The following NOXRED1 variants were observed in gnomAD, a reference collection of about 807,000 sequenced individuals.
The protein encoded by NOXRED1 is NADP-dependent oxidoreductase domain-containing protein 1.
Under a neutral mutation model 30.4 loss-of-function variants are expected in NOXRED1, and 20 were observed. The observed-to-expected ratio is 0.66, with a 90% CI of 0.46 to 0.96. The LOEUF is 0.96. Among genes scored for constraint, NOXRED1 ranks in the 40% least tolerant of loss-of-function variants. NOXRED1 has a pLI of 0.00. For missense variants in NOXRED1, 374 were observed against 428.0 expected (o/e 0.87, Z 1.11); for synonymous variants, 155 against 168.0 (o/e 0.92, Z 0.60).
At chr14:77,424,445 C>T (rs1364085845), upstream of NOXRED1, among the ~76,000 whole-genome samples, 6 of 152,026 alleles carry the variant, frequency 3.9e-5, no homozygotes, top group East Asian at 1.9e-4. Context: ...CCAGCCTGGG[C>T]GGCAGAGGGA....
At chr14:77,416,479 A>C (rs1351281124) in intron 1 of NOXRED1, among the ~76,000 whole-genome samples, 1 of 152,166 alleles carries the variant, frequency 6.6e-6, no homozygotes, top group Non-Finnish European at 1.5e-5. Flanking sequence ...TTCAACCCTG[A>C]GTGGATACAG....
chr14:77,408,892 ATT>A (rs1177680524), intron 2 of NOXRED1, among the ~76,000 whole-genome samples: 18 of 68,176 alleles, frequency 2.6e-4, no homozygotes, highest in African/African-American at 8.1e-4. Context: ...CTGGTAGTTA[ATT>A]TTTTTTTTTT....
chr14:77,412,527 A>G (rs113924164), intron 2 of NOXRED1, among the ~76,000 whole-genome samples: 4,254 of 152,146 alleles, frequency 0.028, 128 homozygotes, highest in African/African-American at 0.073. Context: ...TTGATTGATT[A>G]ATTGAGACAG....
chr14:77,414,848 G>A (rs1214624497), intron 1 of NOXRED1, among the ~76,000 whole-genome samples: 1 of 151,926 alleles, frequency 6.6e-6, no homozygotes, highest in East Asian at 1.9e-4. Flanking sequence ...GTTTGTTTCT[G>A]TGCAGACAGC....
chr14:77,407,591 C>A lies in NOXRED1; in HGVS notation c.404G>T (p.Ser135Ile). ...GCAGAGGAATATCACATCGGCCCAA[C>A]TCACCAGATCAGCGTTATGGTAAAA... ...KCFYHNADLV[S>I]WADVIFLCCL... is the part of the protein sequence containing the mutation. Residue 135 changes from serine (S) to isoleucine (I), a missense_variant, in exon 3 of 6, where the codon AGT (serine) becomes ATT (isoleucine). Transcript: ENST00000380835. 1 of 1,614,100 alleles carries A rather than the reference C, an allele frequency of 6.2e-7. No individual in the cohort carries two copies. Among genetic ancestry groups the A allele is most frequent in the Non-Finnish European group, 8.5e-7 (1 of 1,179,944 alleles).
At chr14:77,414,188 T>C (rs1194054985) in intron 1 of NOXRED1, 61 bp from the exon 2 acceptor site, 7 of 1,079,402 alleles carry the variant, frequency 6.5e-6, no homozygotes, top group Admixed American at 2.6e-5. Flanking sequence ...TTTCTTTTTT[T>C]TTTTTTTTTT....
intron 5 of NOXRED1, among the ~76,000 whole-genome samples, chr14:77,397,881 CAAA>C (rs34854528): frequency 6.8e-5 from 7 of 102,534 alleles, no homozygotes; most frequent in Non-Finnish European, 7.8e-5. Context: ...AACTCCATCT[CAAA>C]AAAAAAAAAA....
rs1265465641 is a variant in NOXRED1, at chr14:77,422,620, T to C, written c.155+115A>G. 6.0e-6 allele frequency: 6 copies of C among 998,726 alleles called. No homozygotes were observed. In the African/African-American group the frequency reaches 6.4e-5, roughly 11 times the overall value. 61.9% of individuals were successfully genotyped at this position (998,726 alleles called of 1,614,324 possible). On this transcript the variant is annotated intron_variant, in intron 1 of 5. Coordinates refer to ENST00000380835, the MANE Select transcript of NOXRED1 (RefSeq NM_001113475.3). ...GTCATTGACTCTGGGTTGGAAAAGA[T>C]AGGATGACAATCCACCAGCCAAACT...
chr14:77,411,875 T>C (rs1204414801), intron 2 of NOXRED1, among the ~76,000 whole-genome samples: 2 of 152,132 alleles, frequency 1.3e-5, no homozygotes, highest in East Asian at 3.9e-4. Context: ...GCAGATCACC[T>C]GAGGTCAGGA....
Position 77,407,473 on chromosome 14 carries a change from T to G in NOXRED1, c.522A>C (p.Pro174=). The change falls in exon 3 of 6, where the codon CCA becomes CCC. Residue 174 remains proline (P), a synonymous_variant. Transcript: ENST00000380835. The part of the protein sequence containing the change: ...SIVYSFVAAI[P]LPRLKLLLNH... The stretch of plus-strand genomic sequence containing the variant: ...TCACCCTAACAAGATACCTGGGTAG[T>G]GGGATGGCAGCTACAAAGCTGTACA... 2.5e-6 allele frequency: 4 copies of G among 1,613,046 alleles called. No homozygotes were observed. Among genetic ancestry groups the G allele is most frequent in the South Asian group, 1.1e-5 (1 of 91,060 alleles).
intron 1 of NOXRED1, among the ~76,000 whole-genome samples, chr14:77,415,684 T>A (rs1348639820): frequency 6.6e-6 from 1 of 151,462 alleles, no homozygotes; most frequent in East Asian, 1.9e-4. Context: ...TTTAGAACCT[T>A]TCCATCTTGC....
intron 2 of NOXRED1, among the ~76,000 whole-genome samples, chr14:77,412,817 A>C (rs1034859188): frequency 6.6e-6 from 1 of 152,160 alleles, no homozygotes; most frequent in Admixed American, 6.5e-5. Context: ...ATTTCAAAAA[A>C]TGTTAAACGA....
intron 1 of NOXRED1, 28 bp from the exon 2 acceptor site, chr14:77,414,155 A>G (rs1309099741): frequency 1.5e-6 from 2 of 1,365,566 alleles, no homozygotes; most frequent in African/African-American, 2.9e-5. Context: ...AGACACGTAC[A>G]TAAATACATG....
At chr14:77,414,619 T>C (rs1894763274) in intron 1 of NOXRED1, among the ~76,000 whole-genome samples, 1 of 152,240 alleles carries the variant, frequency 6.6e-6, no homozygotes, top group Non-Finnish European at 1.5e-5. Flanking sequence ...ATGTTCCTCC[T>C]GAGTTAATTT....
At chr14:77,402,200 A>G (rs1426237084) in intron 5 of NOXRED1, among the ~76,000 whole-genome samples, 1 of 152,262 alleles carries the variant, frequency 6.6e-6, no homozygotes, top group Non-Finnish European at 1.5e-5. Flanking sequence ...AATTTAAATA[A>G]CTAAAACTAA....
intron 5 of NOXRED1, among the ~76,000 whole-genome samples, chr14:77,401,921 A>G (rs1049098344): frequency 6.6e-6 from 1 of 152,242 alleles, no homozygotes; most frequent in Non-Finnish European, 1.5e-5. Context: ...GAGCAAAAGC[A>G]ATATAATGGA....
intron 4 of NOXRED1, chr14:77,406,457 A>G (rs1386277453): frequency 3.4e-6 from 2 of 596,302 alleles, no homozygotes; most frequent in Non-Finnish European, 6.0e-6. Flanking sequence ...GGGAAAAGCC[A>G]TTTTAGTCCA....
chr14:77,410,826 C>T (rs1366831219), intron 2 of NOXRED1, among the ~76,000 whole-genome samples: 1 of 152,008 alleles, frequency 6.6e-6, no homozygotes, highest in Non-Finnish European at 1.5e-5. Flanking sequence ...TAAAAATGAT[C>T]CCAGCACTGA....
At chr14:77,402,016 T>C (rs1215832114) in intron 5 of NOXRED1, among the ~76,000 whole-genome samples, 1 of 152,158 alleles carries the variant, frequency 6.6e-6, no homozygotes, top group Non-Finnish European at 1.5e-5. Context: ...ACACAAACCT[T>C]ACACCCTTCA....
Sources: gnomAD v4.1 joint callset for allele counts (sites outside exome capture counted in the v4.1 genomes callset) on GRCh38, gnomAD v4.1.1 for gene constraint, MANE v1.5 for transcripts, NCBI Gene and HGNC (gene_info 2026-07-23, HGNC 2026-07-21) for gene names.